The following MPV17 variants were observed in gnomAD, a reference collection of about 807,000 sequenced individuals.
The protein encoded by MPV17 is MPV17, mitochondrial inner membrane protein.
A neutral mutation model predicts 28.6 loss-of-function variants in MPV17; 31 were observed. The ratio of observed to expected loss-of-function variants is 1.08; its 90% CI spans 0.81 to 1.46. The LOEUF is 1.46. MPV17 is among the 40% of genes most tolerant of loss of function. The pLI is 0.00. For synonymous variants in MPV17, 87 were observed against 85.3 expected, an observed-to-expected ratio of 1.02 and a Z score of -0.11; for missense variants, 198 against 216.2, an observed-to-expected ratio of 0.92 and a Z score of 0.53.
At chr2:27,316,950 C>T (rs1679677105) in intron 2 of MPV17, 1 of 881,424 alleles carries the variant, frequency 1.1e-6, no homozygotes, top group Admixed American at 3.0e-5. Context: ...GGAAGGGAGC[C>T]TGCCTCTGAG....
Position 27,309,654 on chromosome 2 carries a change from G to C in MPV17, c.*258C>G. 3 of 605,502 alleles carry C rather than the reference G, an allele frequency of 5.0e-6. No individual in the cohort carries two copies. In the South Asian group the frequency reaches 5.9e-5, roughly 12 times the overall value. 37.5% of individuals were successfully genotyped at this position (605,502 alleles called of 1,614,324 possible). ...GCATTTGCTGGGATATGGGTGTAAA[G>C]TTGATAAGGTCATGAAGGTTCAACA... On this transcript the variant is annotated 3_prime_UTR_variant, in exon 8 of 8. Coordinates refer to ENST00000380044, the MANE Select transcript of MPV17 (RefSeq NM_002437.5).
chr2:27,309,530 C>T lies in MPV17; in HGVS notation c.*382G>A. The T allele has an allele frequency of 2.4e-6, 1 of 408,868 alleles. No individual in the cohort carries two copies. Among genetic ancestry groups the T allele is most frequent in the South Asian group, 4.3e-5 (1 of 23,486 alleles). 25.3% of individuals were successfully genotyped at this position (408,868 alleles called of 1,614,324 possible). On this transcript the variant is annotated 3_prime_UTR_variant, in exon 8 of 8. Transcript: ENST00000380044. The stretch of plus-strand genomic sequence containing the variant: ...ATTTAATAACATATTTACTGAGGCA[C>T]CATATAAAGGGTTCCGGGAGTCTCT...
intron 2 of MPV17, among the ~76,000 whole-genome samples, chr2:27,318,137 C>G (rs1408782821): frequency 2.1e-5 from 3 of 145,552 alleles, no homozygotes; most frequent in African/African-American, 5.1e-5. Context: ...GGCACAATCT[C>G]AGCTCACTGC....
intron 2 of MPV17, among the ~76,000 whole-genome samples, chr2:27,319,936 A>AG (rs1679794078): frequency 6.6e-6 from 1 of 151,052 alleles, no homozygotes; most frequent in African/African-American, 2.4e-5. Flanking sequence ...AAAAAAAAAA[A>AG]AAAAAGAAAA....
chr2:27,317,320 G>T lies in MPV17; in HGVS notation c.71-4211C>A. ...GTGGAAGCCCAGCAGCGGGAGGGGA[G>T]TGGATCCTCTGGGATTATTCTGAAT... On this transcript the variant is annotated intron_variant, in intron 2 of 7. Transcript: ENST00000380044. The surrounding 1 kb of genome is among the most constrained non-coding windows in gnomAD (Gnocchi z 4.0). The T allele has an allele frequency of 8.4e-7, 1 of 1,188,716 alleles. No individual in the cohort carries two copies. Among genetic ancestry groups the T allele is most frequent in the Non-Finnish European group, 1.1e-6 (1 of 873,370 alleles). The allele number at this position is 1,188,716 out of a possible 1,614,324, so 73.6% of individuals were successfully genotyped here.
rs1239625414 is a variant in MPV17 at position 27,317,835 on chromosome 2, C to T, written c.70+4613G>A. Among the ~76,000 whole-genome samples, 1 of 152,216 alleles carries T rather than the reference C, an allele frequency of 6.6e-6. No homozygotes were observed. Among genetic ancestry groups the T allele is most frequent in the Non-Finnish European group, 1.5e-5 (1 of 68,042 alleles). ...ATACAGTAAACCTTTCCCCAGGCTACCTTGTTCTGGACTCTGGCTTGGCCA... is the reference window on the plus strand; with the variant it reads ...ATACAGTAAACCTTTCCCCAGGCTATCTTGTTCTGGACTCTGGCTTGGCCA... On this transcript the variant is annotated intron_variant, in intron 2 of 7. Coordinates refer to ENST00000380044, the MANE Select transcript of MPV17 (RefSeq NM_002437.5). This position sits in a 1 kb window ranked among gnomAD's most constrained non-coding sequence, Gnocchi z 4.0.
In MPV17 at chr2:27,309,811, C is replaced by A; in HGVS notation, c.*101G>T. The A allele has an allele frequency of 1.0e-6, 1 of 963,138 alleles. No individual in the cohort carries two copies. The highest frequency in any genetic ancestry group is 2.5e-5 in the East Asian group (1 of 40,608). The allele number at this position is 963,138 out of a possible 1,614,324, so 59.7% of individuals were successfully genotyped here. A position where few individuals can be genotyped will look rare whatever the true frequency, so the allele number is the denominator to read the frequency against. ...TCCTCTTAAGCTCTGACCGGCAACC[C>A]AACCCCGTGGAAACTGGTATGCCCA... On this transcript the variant is annotated 3_prime_UTR_variant, in exon 8 of 8. Coordinates refer to ENST00000380044, the MANE Select transcript of MPV17 (RefSeq NM_002437.5).
At chr2:27,313,294 A>C (rs1679531214) in intron 2 of MPV17, 185 bp from the exon 3 acceptor site, 18 of 1,327,252 alleles carry the variant, frequency 1.4e-5, no homozygotes, top group Non-Finnish European at 1.8e-5. Flanking sequence ...TGATGGTGAC[A>C]CCTCATGTGT....
intron 2 of MPV17, among the ~76,000 whole-genome samples, chr2:27,320,670 A>G (rs1056247495): frequency 1.3e-5 from 2 of 152,212 alleles, no homozygotes; most frequent in Non-Finnish European, 2.9e-5. Context: ...ACTAAGGCTC[A>G]AAGAAGCTTA....
intron 7 of MPV17, among the ~76,000 whole-genome samples, chr2:27,310,491 G>T (rs1415249442): frequency 2.0e-5 from 3 of 152,236 alleles, no homozygotes; most frequent in Non-Finnish European, 2.9e-5. Context: ...CTGGCTGAGA[G>T]CCTCAAAGGC....
At chr2:27,315,699 T>G in intron 2 of MPV17, 1 of 173,640 alleles carries the variant, frequency 5.8e-6, no homozygotes, top group Non-Finnish European at 1.2e-5. Flanking sequence ...GTAGCTGGGA[T>G]TGCAGGTGCC....
intron 2 of MPV17, among the ~76,000 whole-genome samples, chr2:27,320,044 T>C (rs2148223090): frequency 6.6e-6 from 1 of 151,778 alleles, no homozygotes; most frequent in African/African-American, 2.4e-5. Flanking sequence ...GAGACCAGCC[T>C]GGCCAACATG....
rs1254900486 is a variant in MPV17, at chr2:27,309,936, CAGGT to C, written c.503_506del (p.Tyr168CysfsTer49). 1 of 1,613,956 alleles carries C rather than the reference CAGGT, an allele frequency of 6.2e-7. No homozygotes were observed. The highest frequency in any genetic ancestry group is 8.5e-7 in the Non-Finnish European group (1 of 1,179,956). On this transcript the variant is annotated frameshift_variant, in exon 8 of 8. Transcript: ENST00000380044. LOFTEE classifies it high-confidence loss of function. The stretch of plus-strand genomic sequence containing the variant: ...CTTAGAGCCGATGTGCCTTCCAGGA[CAGGT>C]AGGAGTTCCAGATAACAGCAACACA...
chr2:27,321,017 G>C (rs769117700), intron 2 of MPV17, among the ~76,000 whole-genome samples: 8 of 152,182 alleles, frequency 5.3e-5, no homozygotes, highest in Non-Finnish European at 1.2e-4. Context: ...GGAGCTGAAG[G>C]GCTCCAGCAC....
intron 2 of MPV17, among the ~76,000 whole-genome samples, chr2:27,319,995 T>C (rs931774469): frequency 1.1e-4 from 16 of 150,442 alleles, no homozygotes; most frequent in African/African-American, 3.4e-4. Flanking sequence ...CCCAGCACTT[T>C]AGGAGGCCGA....
chr2:27,311,839 T>C, intron 7 of MPV17, 60 bp downstream of exon 7: 1 of 1,599,260 alleles, frequency 6.3e-7, no homozygotes, highest in Non-Finnish European at 8.5e-7. Context: ...AGAATCATTT[T>C]GTCTCCAACT....
chr2:27,319,878 A>G (rs1679789308), intron 2 of MPV17, among the ~76,000 whole-genome samples: 1 of 150,828 alleles, frequency 6.6e-6, no homozygotes, highest in South Asian at 2.1e-4. Context: ...GTGAGCTGAT[A>G]TAGCACCACC....
chr2:27,321,504 C>T (rs1349522133), intron 2 of MPV17, among the ~76,000 whole-genome samples: 4 of 152,180 alleles, frequency 2.6e-5, no homozygotes. Context: ...CTCAGAAGGC[C>T]AGTCATCACT....
At chr2:27,322,058 AT>A (rs951595145) in intron 2 of MPV17, 16 of 280,842 alleles carry the variant, frequency 5.7e-5, no homozygotes, top group African/African-American at 3.3e-4. Context: ...GTGTGATCTA[AT>A]GTGGACTCAA....
Sources: gnomAD v4.1 joint callset for allele counts (sites outside exome capture counted in the v4.1 genomes callset) on GRCh38, gnomAD v4.1.1 for gene constraint, Gnocchi (gnomAD v3.1) non-coding constraint, MANE v1.5 for transcripts, NCBI Gene and HGNC (gene_info 2026-07-23, HGNC 2026-07-21) for gene names.